SHTN1: variants seen among roughly 807,000 people sequenced by gnomAD.
SHTN1 encodes the protein shootin 1.
In SHTN1, 42 loss-of-function variants were observed where a neutral mutation model predicts 83.1. The observed-to-expected ratio is 0.51, with a 90% confidence interval of 0.39 to 0.65. The LOEUF (loss-of-function observed/expected upper bound fraction) is 0.65, where lower values mean the gene tolerates loss of function less well. SHTN1 is among the 30% of genes least tolerant of loss of function. SHTN1 has a pLI of 0.00. For synonymous variants in SHTN1, 224 were observed against 247.7 expected (o/e 0.90, Z 0.90); for missense variants, 622 against 737.8 (o/e 0.84, Z 1.82).
chr10:117,115,545 G>T (rs1853833422), intron 1 of SHTN1, among the ~76,000 whole-genome samples: 1 of 152,160 alleles, frequency 6.6e-6, no homozygotes, highest in Non-Finnish European at 1.5e-5. Flanking sequence ...CTGTGAGGCT[G>T]CTCTAGTGAT....
intron 6 of SHTN1, among the ~76,000 whole-genome samples, chr10:116,949,846 A>G (rs939863719): frequency 1.8e-4 from 27 of 152,156 alleles, no homozygotes; most frequent in African/African-American, 6.5e-4. Context: ...AACGAAAGAG[A>G]ATACTATAGA....
chr10:116,966,073 C>T (rs1393760456), intron 3 of SHTN1, among the ~76,000 whole-genome samples: 1 of 152,124 alleles, frequency 6.6e-6, no homozygotes, highest in Non-Finnish European at 1.5e-5. Context: ...GTGGCAAGAT[C>T]TTGGCTTACT....
At chr10:116,986,268 A>G (rs1176668101) in intron 1 of SHTN1, among the ~76,000 whole-genome samples, 2 of 152,196 alleles carry the variant, frequency 1.3e-5, no homozygotes, top group South Asian at 2.1e-4. Flanking sequence ...GATATATCAA[A>G]TAATTGAAGT....
At chr10:117,010,416 AAAAAGAAAAG>A (rs555154349), upstream of SHTN1, among the ~76,000 whole-genome samples, 24 of 152,278 alleles carry the variant, frequency 1.6e-4, no homozygotes, top group African/African-American at 5.3e-4. Flanking sequence ...AAAGTATTAA[AAAAAGAAAAG>A]AAAAGAAAAG....
chr10:116,906,872 G>T (rs995099727), intron 14 of SHTN1, 125 bp from the exon 15 acceptor site: 3 of 749,642 alleles, frequency 4.0e-6, no homozygotes, highest in Non-Finnish European at 4.0e-6. Context: ...AAATGAATTT[G>T]CTATATATTA....
At position 116,979,283 on chromosome 10, in the gene SHTN1, T is replaced by C; in HGVS notation, c.84A>G (p.Arg28=). 1 of 1,613,958 alleles carries C rather than the reference T, an allele frequency of 6.2e-7. No individual in the cohort carries two copies. The highest frequency in any genetic ancestry group is 8.5e-7 in the Non-Finnish European group (1 of 1,179,924). Reference sequence around the variant, plus strand: ...TCTCCTTTGTTTTCTGGTTCTCTGCTCTAAGGTCTTCATATTCGCCTATTG... The same window carrying C: ...TCTCCTTTGTTTTCTGGTTCTCTGCCCTAAGGTCTTCATATTCGCCTATTG... ...EQAIGEYEDL[R]AENQKTKEKC... The change falls in exon 2 of 17, where the codon AGA becomes AGG. Residue 28 remains arginine, a synonymous_variant. Coordinates refer to ENST00000355371, the MANE Select transcript of SHTN1 (RefSeq NM_001127211.3).
intron 1 of SHTN1, among the ~76,000 whole-genome samples, chr10:117,120,811 A>AT (rs71013645): frequency 0.19 from 26,522 of 141,330 alleles, 2,606 homozygotes; most frequent in East Asian, 0.43. Flanking sequence ...CACTGATTTG[A>AT]TTTTTTTTTT....
At position 116,881,891 on chromosome 10, in the gene SHTN1, G is replaced by A; in HGVS notation, c.*4453C>T. The A allele has an allele frequency of 2.5e-6, 1 of 395,302 alleles. No homozygotes were observed. Among genetic ancestry groups the A allele is most frequent in the South Asian group, 1.0e-4 (1 of 9,610 alleles). The allele number at this position is 395,302 out of a possible 1,614,324, so 24.5% of individuals were successfully genotyped here. A position where few individuals can be genotyped will look rare whatever the true frequency, so the allele number is the denominator to read the frequency against. On this transcript the variant is annotated 3_prime_UTR_variant, in exon 17 of 17. Coordinates refer to ENST00000355371, the MANE Select transcript of SHTN1 (RefSeq NM_001127211.3). ...GCCACCACACTTCCATGTGGATTTT[G>A]TTTGTCTATTAGCTCTCCTGTCCAT...
intron 2 of SHTN1, among the ~76,000 whole-genome samples, chr10:117,041,504 C>A (rs1045418916): frequency 6.6e-6 from 1 of 152,076 alleles, no homozygotes; most frequent in Non-Finnish European, 1.5e-5. Context: ...GTTTTCTTTT[C>A]TGCATTTCAA....
At chr10:116,914,876 C>T (rs1019057286) in intron 13 of SHTN1, among the ~76,000 whole-genome samples, 4 of 152,090 alleles carry the variant, frequency 2.6e-5, no homozygotes, top group African/African-American at 9.7e-5. Flanking sequence ...TAATGAAAAA[C>T]AATCATATAA....
upstream of SHTN1, among the ~76,000 whole-genome samples, chr10:117,008,378 TGAG>T (rs568194284): frequency 8.0e-4 from 121 of 152,174 alleles, 1 homozygote; most frequent in African/African-American, 2.6e-3. Context: ...TGAAATACAA[TGAG>T]GAGAAGAAGG....
intron 1 of SHTN1, among the ~76,000 whole-genome samples, chr10:117,109,020 G>A (rs917666154): frequency 6.6e-6 from 1 of 152,170 alleles, no homozygotes. Flanking sequence ...CACTAGTGGT[G>A]GGCCGCTGCA....
chr10:116,969,852 T>C (rs1304882183), intron 2 of SHTN1, among the ~76,000 whole-genome samples: 2 of 152,210 alleles, frequency 1.3e-5, no homozygotes, highest in Non-Finnish European at 2.9e-5. Flanking sequence ...TAACAAGATA[T>C]TCACCACAAG....
chr10:116,994,064 T>C (rs1380515650), intron 1 of SHTN1, among the ~76,000 whole-genome samples: 2 of 152,078 alleles, frequency 1.3e-5, no homozygotes, highest in Admixed American at 6.6e-5. Flanking sequence ...TGGTTCAAAA[T>C]TGCTAAGGAT....
At chr10:116,973,750 A>C (rs917497358) in intron 2 of SHTN1, 3 of 590,608 alleles carry the variant, frequency 5.1e-6, no homozygotes, top group East Asian at 7.0e-5. Context: ...AGTCTGAAGA[A>C]GTTTAATGCT....
At chr10:116,897,865 C>T (rs1372593378) in intron 16 of SHTN1, among the ~76,000 whole-genome samples, 1 of 152,102 alleles carries the variant, frequency 6.6e-6, no homozygotes. Flanking sequence ...TGGACAGGCA[C>T]CGGCTTAGAA....
intron 16 of SHTN1, among the ~76,000 whole-genome samples, chr10:116,889,761 A>G (rs977990810): frequency 6.6e-6 from 1 of 152,136 alleles, no homozygotes; most frequent in Non-Finnish European, 1.5e-5. Flanking sequence ...ATGTTTACTG[A>G]TTTCATTCTT....
chr10:117,004,979 A>C (rs1006155497), intron 1 of SHTN1, 43 bp downstream of exon 1: 1 of 1,551,888 alleles, frequency 6.4e-7, no homozygotes, highest in Middle Eastern at 2.0e-4. Context: ...GTCCCCGCCC[A>C]CGGGCCGCGG....
chr10:116,959,430 G>T (rs1850099389), intron 4 of SHTN1, among the ~76,000 whole-genome samples: 1 of 152,150 alleles, frequency 6.6e-6, no homozygotes, highest in Non-Finnish European at 1.5e-5. Flanking sequence ...TTTCGGAGGT[G>T]GGTGATGGAG....
Sources: gnomAD v4.1 joint callset for allele counts (sites outside exome capture counted in the v4.1 genomes callset) on GRCh38, gnomAD v4.1.1 for gene constraint, MANE v1.5 for transcripts, NCBI Gene and HGNC (gene_info 2026-07-23, HGNC 2026-07-21) for gene names.